The following TMEM221 variants were observed in gnomAD, a reference collection of about 807,000 sequenced individuals.
TMEM221 encodes the protein transmembrane protein 221.
A neutral mutation model predicts 10.2 loss-of-function variants in TMEM221; 11 were observed. The observed-to-expected ratio is 1.08, with a 90% CI of 0.68 to 1.79. TMEM221 has a LOEUF of 1.79. TMEM221 is among the 40% of genes most tolerant of loss of function. TMEM221 has a pLI of 0.00. For missense variants in TMEM221, 382 were observed against 417.7 expected (o/e 0.91, Z 0.75); for synonymous variants, 172 against 199.8 (o/e 0.86, Z 1.18).
At chr19:17,447,335 C>T (rs573188425) in intron 1 of TMEM221, among the ~76,000 whole-genome samples, 7 of 152,224 alleles carry the variant, frequency 4.6e-5, no homozygotes, top group Admixed American at 6.6e-5. Flanking sequence ...GTTATGTTTC[C>T]TTATTTTCTG....
Position 17,436,404 on chromosome 19 carries a change from C to A in TMEM221, c.*54G>T. On this transcript the variant is annotated 3_prime_UTR_variant, in exon 3 of 3. Transcript: ENST00000341130. ...ACTGCTACTGCAGCTGAACCCGAAC[C>A]TATCTCTATGGTATCCTTTTCTTAC... 7.1e-7 allele frequency: 1 copy of A among 1,405,734 alleles called. No individual in the cohort carries two copies. Among genetic ancestry groups the A allele is most frequent in the Non-Finnish European group, 9.3e-7 (1 of 1,074,708 alleles). 87.1% of individuals were successfully genotyped at this position (1,405,734 alleles called of 1,614,324 possible). A position where few individuals can be genotyped will look rare whatever the true frequency, so the allele number is the denominator to read the frequency against.
At chr19:17,444,761 TATAAATATATATTTATATATTTA>T (rs2074945985) in intron 2 of TMEM221, 1 of 141,078 alleles carries the variant, frequency 7.1e-6, no homozygotes. Context: ...AACATATAAA[TATAAATATATATTTATATATTTA>T]ATAAATATAT....
At chr19:17,447,806 C>T (rs1050963832) in intron 1 of TMEM221, among the ~76,000 whole-genome samples, 4 of 152,230 alleles carry the variant, frequency 2.6e-5, no homozygotes, top group African/African-American at 9.6e-5. Flanking sequence ...GCCTCCCACC[C>T]ACTTCCAAGC....
rs1302261186 is a variant in TMEM221 at position 17,448,171 on chromosome 19, C to G, written c.292G>C (p.Glu98Gln). The G allele has an allele frequency of 2.8e-6, 4 of 1,430,488 alleles. No individual in the cohort carries two copies. Among genetic ancestry groups the G allele is most frequent in the Non-Finnish European group, 9.1e-7 (1 of 1,095,318 alleles). 88.6% of individuals were successfully genotyped at this position (1,430,488 alleles called of 1,614,324 possible). ...CTGGGGCCAGGCCCCCGCGCCAGCT[C>G]GGCGCCCAGGTGGCCACAGAGCGCG... is the stretch of plus-strand genomic sequence containing the variant. ...LAALCGHLGA[E>Q]LARGPGPRRS... Residue 98 changes from glutamate (E) to glutamine (Q), a missense_variant, in exon 1 of 3, where the codon GAG (glutamate) becomes CAG (glutamine). Transcript: ENST00000341130. This position sits in a 1 kb window ranked among gnomAD's most constrained non-coding sequence, Gnocchi z 4.7.
intron 1 of TMEM221, among the ~76,000 whole-genome samples, 163 bp downstream of exon 1, chr19:17,447,980 G>A (rs1568399666): frequency 6.6e-6 from 1 of 152,180 alleles, no homozygotes; most frequent in Non-Finnish European, 1.5e-5. Context: ...AAGGAGGGAG[G>A]AGGAGAGGAA....
intron 2 of TMEM221, 124 bp downstream of exon 2, chr19:17,445,075 G>T: frequency 1.2e-6 from 1 of 829,454 alleles, no homozygotes; most frequent in Non-Finnish European, 1.9e-6. Context: ...CCAAAGCAAA[G>T]AAGTGTCAGA....
chr19:17,443,044 C>T (rs557469748), intron 2 of TMEM221, among the ~76,000 whole-genome samples: 6 of 151,834 alleles, frequency 4.0e-5, no homozygotes, highest in African/African-American at 7.2e-5. Context: ...TTTGGGAGGC[C>T]GAGGTTGGTG....
At chr19:17,445,984 C>G (rs147852856) in intron 1 of TMEM221, among the ~76,000 whole-genome samples, 2,398 of 152,250 alleles carry the variant, frequency 0.016, 29 homozygotes, top group Non-Finnish European at 0.025. Flanking sequence ...TCCATTTTTC[C>G]AAGTCAGTGT....
intron 2 of TMEM221, among the ~76,000 whole-genome samples, chr19:17,443,312 CATTTATTTATTTATTT>C (rs36145674): frequency 4.8e-5 from 7 of 146,612 alleles, no homozygotes; most frequent in African/African-American, 1.5e-4. Flanking sequence ...TCTTTTTAAA[CATTTATTTATTTATTT>C]ATTTATTTAT....
Position 17,445,314 on chromosome 19 carries a change from G to C in TMEM221, c.321-30C>G, listed in dbSNP as rs139798283. The C allele has an allele frequency of 5.9e-5, 90 of 1,517,316 alleles. No homozygotes were observed. The African/African-American group carries it at 7.1e-4, about 12-fold the overall frequency. The allele number at this position is 1,517,316 out of a possible 1,614,324, so 94.0% of individuals were successfully genotyped here. A position where few individuals can be genotyped will look rare whatever the true frequency, so the allele number is the denominator to read the frequency against. ...AATGAAGGGGAGCAGGAAGATAAAG[G>C]GTTCAGGAAGTGGAGCTGGTGGGGG... On this transcript the variant is annotated intron_variant, in intron 1 of 2. Transcript: ENST00000341130.
chr19:17,438,086 A>ATT (rs71162128), intron 2 of TMEM221, among the ~76,000 whole-genome samples: 4 of 113,812 alleles, frequency 3.5e-5, no homozygotes, highest in Admixed American at 9.3e-5. Context: ...TGCCTGGCTA[A>ATT]TTTTTTTTTT....
At chr19:17,439,647 C>T (rs1383208407) in intron 2 of TMEM221, among the ~76,000 whole-genome samples, 3 of 151,478 alleles carry the variant, frequency 2.0e-5, no homozygotes, top group African/African-American at 4.9e-5. Flanking sequence ...GAGATCGCGC[C>T]GCTACCCTCT....
At position 17,435,948 on chromosome 19, in the gene TMEM221, T is replaced by C. The variant is rs910837652; in HGVS notation, c.*510A>G. ...TTGCACATCAGCAGCATGGAGATTA[T>C]GGGGTTCAGGTGAGAATCCTGGCTC... On this transcript the variant is annotated 3_prime_UTR_variant, in exon 3 of 3. Transcript: ENST00000341130. 6.5e-5 allele frequency: 10 copies of C among 152,988 alleles called. No individual in the cohort carries two copies. Among genetic ancestry groups the C allele is most frequent in the African/African-American group, 1.9e-4 (8 of 41,592 alleles). 9.5% of individuals were successfully genotyped at this position (152,988 alleles called of 1,614,324 possible). A position where few individuals can be genotyped will look rare whatever the true frequency, so the allele number is the denominator to read the frequency against.
intron 2 of TMEM221, among the ~76,000 whole-genome samples, chr19:17,442,737 TGA>T (rs2074936833): frequency 6.6e-6 from 1 of 151,624 alleles, no homozygotes; most frequent in Non-Finnish European, 1.5e-5. Flanking sequence ...CACACCCGGC[TGA>T]GAGGCATTTC....
At chr19:17,439,623 G>T (rs2074923581) in intron 2 of TMEM221, among the ~76,000 whole-genome samples, 1 of 151,936 alleles carries the variant, frequency 6.6e-6, no homozygotes, top group Admixed American at 6.6e-5. Context: ...GGGAGGTGGA[G>T]ATTGCAGTGA....
At chr19:17,441,649 T>C (rs373710262) in intron 2 of TMEM221, among the ~76,000 whole-genome samples, 55 of 152,258 alleles carry the variant, frequency 3.6e-4, no homozygotes, top group African/African-American at 1.3e-3. Context: ...CCTGGGCTAC[T>C]GGGACAGATA....
chr19:17,440,970 G>A (rs2074929560), intron 2 of TMEM221, among the ~76,000 whole-genome samples: 1 of 152,156 alleles, frequency 6.6e-6, no homozygotes, highest in African/African-American at 2.4e-5. Context: ...CACTTTGGGA[G>A]GCCGAAGTGG....
intron 1 of TMEM221, among the ~76,000 whole-genome samples, chr19:17,447,449 A>G (rs776345487): frequency 2.6e-5 from 4 of 152,066 alleles, no homozygotes; most frequent in Non-Finnish European, 5.9e-5. Context: ...ATGTTTGCTG[A>G]CCCGTGGGAC....
chr19:17,442,291 C>T (rs1345472114), intron 2 of TMEM221, among the ~76,000 whole-genome samples: 1 of 151,784 alleles, frequency 6.6e-6, no homozygotes, highest in South Asian at 2.1e-4. Context: ...GACAGAGTCT[C>T]ACTCTGTCAC....
Sources: gnomAD v4.1 joint callset for allele counts (sites outside exome capture counted in the v4.1 genomes callset) on GRCh38, gnomAD v4.1.1 for gene constraint, Gnocchi (gnomAD v3.1) non-coding constraint, MANE v1.5 for transcripts, NCBI Gene and HGNC (gene_info 2026-07-23, HGNC 2026-07-21) for gene names.